ROBO1: variants seen among roughly 807,000 people sequenced by gnomAD.
The protein encoded by ROBO1 is roundabout homolog 1.
ROBO1 carries 149 observed loss-of-function variants against 195.9 expected under a neutral mutation model. That is an observed-to-expected ratio of 0.76 (90% confidence interval 0.67 to 0.87). The LOEUF (loss-of-function observed/expected upper bound fraction) is 0.87, where lower values mean the gene tolerates loss of function less well. Ranked by LOEUF, ROBO1 falls within the 40% of genes least tolerant of loss-of-function variation. ROBO1 has a pLI of 0.00. For missense variants in ROBO1, 1,933 were observed against 2,068.3 expected, an observed-to-expected ratio of 0.93 and a Z score of 1.27; for synonymous variants, 816 against 733.2, an observed-to-expected ratio of 1.11 and a Z score of -1.82.
At chr3:79,152,411 A>C (rs921329920) in intron 2 of ROBO1, among the ~76,000 whole-genome samples, 5 of 151,788 alleles carry the variant, frequency 3.3e-5, no homozygotes, top group Non-Finnish European at 7.4e-5. Flanking sequence ...GAAAAGACTA[A>C]GGTGGTACAA....
chr3:79,695,952 A>G lies in ROBO1; in HGVS notation c.-51+71800T>C, dbSNP rs144037399. ...CAGTTATAGGTTTTTTTTCCCCCCA[A>G]TCAAAACAAAAGAATAGCATCATTT... On this transcript the variant is annotated intron_variant, in intron 1 of 30. Transcript: ENST00000464233. Among the ~76,000 whole-genome samples the G allele has an allele frequency of 5.8e-3, 874 of 151,434 alleles. 5 individuals carry two copies. The highest frequency in any genetic ancestry group is 7.5e-3 in the Admixed American group (114 of 15,124).
chr3:78,981,788 A>AACACACACACACAC (rs375186931), intron 3 of ROBO1, among the ~76,000 whole-genome samples: 133 of 140,756 alleles, frequency 9.4e-4, no homozygotes, highest in African/African-American at 3.4e-3. Context: ...GGCCCCTGCC[A>AACACACACACACAC]ACACACACAC....
At chr3:79,189,806 C>G (rs1004627973) in intron 2 of ROBO1, among the ~76,000 whole-genome samples, 2 of 151,554 alleles carry the variant, frequency 1.3e-5, no homozygotes, top group Non-Finnish European at 3.0e-5. Context: ...TAAGATGAAA[C>G]AGTTTAAAGA....
At chr3:79,117,164 T>C (rs1379756654) in intron 3 of ROBO1, among the ~76,000 whole-genome samples, 1 of 151,858 alleles carries the variant, frequency 6.6e-6, no homozygotes, top group Admixed American at 6.6e-5. Flanking sequence ...GCTCAGGAGT[T>C]CGTGACCAGC....
At chr3:79,174,724 C>A (rs543240274) in intron 2 of ROBO1, among the ~76,000 whole-genome samples, 1 of 151,090 alleles carries the variant, frequency 6.6e-6, no homozygotes, top group African/African-American at 2.4e-5. Flanking sequence ...AAAAACTGGT[C>A]GGTCATGTGT....
At chr3:79,185,279 AT>A (rs1435697176) in intron 2 of ROBO1, among the ~76,000 whole-genome samples, 1 of 152,020 alleles carries the variant, frequency 6.6e-6, no homozygotes, top group South Asian at 2.1e-4. Flanking sequence ...GTAGTAACTG[AT>A]TTTTTTTATA....
Position 79,201,476 on chromosome 3 carries a change from G to A in ROBO1, c.89-75937C>T, listed in dbSNP as rs527269451. On this transcript the variant is annotated intron_variant, in intron 2 of 30. Coordinates refer to ENST00000464233, the MANE Select transcript of ROBO1 (RefSeq NM_002941.4). Reference sequence around the variant, plus strand: ...TCCTCACAACAATTCTATGGGGAAGGTAGTATCACAAATGCTATCTACTAA... The same window carrying A: ...TCCTCACAACAATTCTATGGGGAAGATAGTATCACAAATGCTATCTACTAA... 4.6e-5 allele frequency among the ~76,000 whole-genome samples: 7 copies of A among 152,070 alleles called. No individual in the cohort carries two copies. The South Asian group carries it at 1.0e-3, about 22-fold the overall frequency.
intron 2 of ROBO1, among the ~76,000 whole-genome samples, chr3:79,184,701 C>A (rs1177322423): frequency 2.0e-5 from 3 of 152,150 alleles, no homozygotes; most frequent in Non-Finnish European, 4.4e-5. Context: ...GGAAAGGAAT[C>A]TCTCTGGTCT....
chr3:79,509,835 T>C (rs1940606496), intron 2 of ROBO1, among the ~76,000 whole-genome samples: 1 of 152,134 alleles, frequency 6.6e-6, no homozygotes, highest in East Asian at 1.9e-4. Flanking sequence ...GGATAATATT[T>C]TGATACTTCT....
In ROBO1 at chr3:78,597,538, A is replaced by G. The variant is rs903141434; in HGVS notation, c.*1375T>C. On this transcript the variant is annotated 3_prime_UTR_variant, in exon 31 of 31. Coordinates refer to ENST00000464233, the MANE Select transcript of ROBO1 (RefSeq NM_002941.4). ...TACTTATCTATCTATGAATAAATGT[A>G]CATTTTTTTCTTCAAATAGCACCAA... The G allele has an allele frequency of 1.3e-5, 2 of 152,422 alleles. No homozygotes were observed. The highest frequency in any genetic ancestry group is 2.9e-5 in the Non-Finnish European group (2 of 67,996). 9.4% of individuals were successfully genotyped at this position (152,422 alleles called of 1,614,324 possible).
chr3:78,709,814 A>T (rs1254068876), intron 8 of ROBO1, among the ~76,000 whole-genome samples: 1 of 152,134 alleles, frequency 6.6e-6, no homozygotes, highest in South Asian at 2.1e-4. Context: ...GAATCTAAAA[A>T]ATTAGAAAAC....
At chr3:79,656,923 G>A (rs557350565) in intron 1 of ROBO1, among the ~76,000 whole-genome samples, 9 of 151,562 alleles carry the variant, frequency 5.9e-5, no homozygotes, top group Admixed American at 1.3e-4. Context: ...GCTCTTGGCC[G>A]TAGATATAAC....
intron 8 of ROBO1, among the ~76,000 whole-genome samples, chr3:78,712,465 T>C (rs150867086): frequency 1.3e-5 from 2 of 152,340 alleles, no homozygotes; most frequent in East Asian, 3.9e-4. Context: ...CAGGTTTCCT[T>C]TGAATGTTTT....
At chr3:78,836,938 T>C (rs2032792489) in intron 4 of ROBO1, among the ~76,000 whole-genome samples, 1 of 152,178 alleles carries the variant, frequency 6.6e-6, no homozygotes, top group African/African-American at 2.4e-5. Context: ...GAGGTCATTA[T>C]CACATCCATA....
chr3:79,591,641 A>G (rs1465771105), intron 1 of ROBO1, among the ~76,000 whole-genome samples: 2 of 151,842 alleles, frequency 1.3e-5, no homozygotes, highest in Non-Finnish European at 2.9e-5. Flanking sequence ...TAATATTTTT[A>G]CTCTTTAATC....
chr3:78,758,821 T>C (rs763611558), intron 4 of ROBO1, among the ~76,000 whole-genome samples: 1 of 152,114 alleles, frequency 6.6e-6, no homozygotes, highest in Non-Finnish European at 1.5e-5. Flanking sequence ...GTTTACTATA[T>C]ACAAAACACC....
At chr3:78,966,666 C>T (rs1389401715) in intron 3 of ROBO1, among the ~76,000 whole-genome samples, 1 of 152,162 alleles carries the variant, frequency 6.6e-6, no homozygotes, top group Middle Eastern at 3.2e-3. Flanking sequence ...AAACATATTG[C>T]TTTAATTTAA....
intron 3 of ROBO1, 24 bp downstream of exon 3, chr3:79,125,432 G>C: frequency 6.3e-7 from 1 of 1,594,536 alleles, no homozygotes; most frequent in Non-Finnish European, 8.6e-7. Flanking sequence ...GAGGAAGTTA[G>C]TATTTGGGAA....
chr3:79,264,772 G>C (rs574022675), intron 2 of ROBO1, among the ~76,000 whole-genome samples: 1 of 151,928 alleles, frequency 6.6e-6, no homozygotes, highest in South Asian at 2.1e-4. Flanking sequence ...ATTACTACTA[G>C]CTAATAGGTT....
Sources: allele counts gnomAD v4.1 joint callset (sites outside exome capture counted in the v4.1 genomes callset), GRCh38; gene constraint gnomAD v4.1.1; transcripts MANE v1.5; gene names NCBI Gene and HGNC (gene_info 2026-07-23, HGNC 2026-07-21).